CLPB: variants seen among roughly 807,000 people sequenced by gnomAD.
CLPB encodes mitochondrial disaggregase.
In CLPB, 40 loss-of-function variants were observed where a neutral mutation model predicts 78.4. The ratio of observed to expected loss-of-function variants is 0.51; its 90% confidence interval spans 0.40 to 0.66. The LOEUF is 0.66. Among genes scored for constraint, CLPB ranks in the 30% least tolerant of loss-of-function variants. The pLI is 0.00. For synonymous variants in CLPB, 333 were observed against 348.0 expected, an observed-to-expected ratio of 0.96 and a Z score of 0.48; for missense variants, 780 against 886.9, an observed-to-expected ratio of 0.88 and a Z score of 1.53.
At chr11:72,380,905 G>A (rs1419229780) in intron 3 of CLPB, among the ~76,000 whole-genome samples, 2 of 152,214 alleles carry the variant, frequency 1.3e-5, no homozygotes, top group African/African-American at 4.8e-5. Context: ...TAAAGCTACA[G>A]CTCAAAGTGT....
chr11:72,365,584 AAG>A (rs1565464159), intron 4 of CLPB, among the ~76,000 whole-genome samples: 1 of 150,622 alleles, frequency 6.6e-6, no homozygotes, highest in Non-Finnish European at 1.5e-5. Flanking sequence ...TAGAACCAAA[AAG>A]AGTCCAAACA....
At chr11:72,377,336 T>A (rs1854739391) in intron 4 of CLPB, among the ~76,000 whole-genome samples, 1 of 152,232 alleles carries the variant, frequency 6.6e-6, no homozygotes, top group Admixed American at 6.5e-5. Flanking sequence ...GGATCTTGTC[T>A]GTCTAACTCA....
At chr11:72,411,577 C>G (rs1171579421) in intron 2 of CLPB, among the ~76,000 whole-genome samples, 1 of 152,212 alleles carries the variant, frequency 6.6e-6, no homozygotes, top group East Asian at 1.9e-4. Flanking sequence ...CTAGCAGACG[C>G]TGCACTCAGC....
At chr11:72,295,330 C>G (rs545721531) in intron 12 of CLPB, among the ~76,000 whole-genome samples, 162 bp downstream of exon 12, 1 of 152,282 alleles carries the variant, frequency 6.6e-6, no homozygotes, top group African/African-American at 2.4e-5. Flanking sequence ...TGTCTCAACC[C>G]CCACTACTTG....
rs529016528 is a variant in CLPB, at chr11:72,331,418, A to C, written c.776-1614T>G. On this transcript the variant is annotated intron_variant, in intron 5 of 15. Transcript: ENST00000538039. ...GACTCTGTCTCAAAAAAAAAAAAAAATTTTAAGAGACAGGGTCTCACTATG... is the reference window on the plus strand; with the variant it reads ...GACTCTGTCTCAAAAAAAAAAAAAACTTTTAAGAGACAGGGTCTCACTATG... Among the ~76,000 whole-genome samples, 63 of 150,968 alleles carry C rather than the reference A, an allele frequency of 4.2e-4. 3 individuals are homozygous for C. The East Asian group carries it at 0.012, about 30-fold the overall frequency.
At chr11:72,392,757 T>A (rs1855290281) in intron 3 of CLPB, among the ~76,000 whole-genome samples, 1 of 152,198 alleles carries the variant, frequency 6.6e-6, no homozygotes, top group South Asian at 2.1e-4. Context: ...CAAGATAATA[T>A]GAGTTACCCA....
chr11:72,349,685 G>A (rs1950578696), intron 5 of CLPB, among the ~76,000 whole-genome samples: 1 of 152,174 alleles, frequency 6.6e-6, no homozygotes, highest in African/African-American at 2.4e-5. Context: ...TGTGCATTCT[G>A]CCCAACAGCA....
At chr11:72,408,383 C>G (rs545393532) in intron 2 of CLPB, among the ~76,000 whole-genome samples, 2 of 152,084 alleles carry the variant, frequency 1.3e-5, no homozygotes, top group South Asian at 4.1e-4. Context: ...CAAGAAAGAA[C>G]CGGGCTGGGT....
chr11:72,353,731 T>A (rs936391419), intron 5 of CLPB, among the ~76,000 whole-genome samples: 1 of 152,104 alleles, frequency 6.6e-6, no homozygotes, highest in Non-Finnish European at 1.5e-5. Flanking sequence ...ATGAGGCTGG[T>A]GACTGACTGG....
chr11:72,334,389 T>C (rs1350711235), intron 5 of CLPB, among the ~76,000 whole-genome samples: 1 of 152,154 alleles, frequency 6.6e-6, no homozygotes, highest in Admixed American at 6.5e-5. Flanking sequence ...TTCTGGAGCC[T>C]CAGGGCAGCA....
intron 4 of CLPB, among the ~76,000 whole-genome samples, chr11:72,375,254 T>G (rs748530648): frequency 2.0e-5 from 3 of 152,112 alleles, no homozygotes; most frequent in Non-Finnish European, 2.9e-5. Context: ...GTCAGAATGG[T>G]CCATCTAAAA....
chr11:72,306,373 T>C (rs183307220), intron 9 of CLPB, among the ~76,000 whole-genome samples: 4 of 152,286 alleles, frequency 2.6e-5, no homozygotes, highest in Admixed American at 2.6e-4. Flanking sequence ...CCAGGGAGGC[T>C]TTCCTTAGAA....
At chr11:72,374,222 A>G (rs2135662147) in intron 4 of CLPB, among the ~76,000 whole-genome samples, 1 of 152,320 alleles carries the variant, frequency 6.6e-6, no homozygotes, top group South Asian at 2.1e-4. Flanking sequence ...GAAATTCTTT[A>G]TTAAATGTCA....
chr11:72,298,089 G>A (rs879753046), intron 11 of CLPB, among the ~76,000 whole-genome samples: 3 of 152,146 alleles, frequency 2.0e-5, no homozygotes, highest in Non-Finnish European at 2.9e-5. Flanking sequence ...ACTGTCTCAC[G>A]TATGACTCCT....
At chr11:72,374,825 T>G (rs1565470149) in intron 4 of CLPB, among the ~76,000 whole-genome samples, 2 of 152,232 alleles carry the variant, frequency 1.3e-5, no homozygotes, top group South Asian at 4.1e-4. Context: ...AGTAAAGGAC[T>G]TGTCCTCCTA....
At chr11:72,295,279 A>G (rs1044918153) in intron 12 of CLPB, among the ~76,000 whole-genome samples, 3 of 152,138 alleles carry the variant, frequency 2.0e-5, no homozygotes, top group African/African-American at 4.8e-5. Context: ...TTATCACCCA[A>G]CAGACTTGAG....
intron 3 of CLPB, among the ~76,000 whole-genome samples, chr11:72,396,764 T>A (rs536998537): frequency 3.9e-5 from 6 of 152,306 alleles, no homozygotes; most frequent in African/African-American, 1.4e-4. Flanking sequence ...TGAGATATCA[T>A]CAACAATAAG....
Position 72,402,954 on chromosome 11 carries a change from G to A in CLPB, c.542+12C>T. 1 of 1,612,358 alleles carries A rather than the reference G, an allele frequency of 6.2e-7. No homozygotes were observed. The highest frequency in any genetic ancestry group is 8.5e-7 in the Non-Finnish European group (1 of 1,178,478). ...TGCCTAAAGGAGCCCTGTGTGGAAGGTGGTCTCTCACCTGTTGTTTCGGTT... is the reference window on the plus strand; with the variant it reads ...TGCCTAAAGGAGCCCTGTGTGGAAGATGGTCTCTCACCTGTTGTTTCGGTT... On this transcript the variant is annotated intron_variant, in intron 3 of 15. Transcript: ENST00000538039.
intron 5 of CLPB, among the ~76,000 whole-genome samples, chr11:72,351,152 GA>G (rs1330975493): frequency 6.6e-6 from 1 of 152,154 alleles, no homozygotes; most frequent in East Asian, 1.9e-4. Flanking sequence ...TTTTATAGAG[GA>G]AAAAAGTGAT....
Sources: gnomAD v4.1 joint callset for allele counts (sites outside exome capture counted in the v4.1 genomes callset) on GRCh38, gnomAD v4.1.1 for gene constraint, MANE v1.5 for transcripts, NCBI Gene and HGNC (gene_info 2026-07-23, HGNC 2026-07-21) for gene names.